The following ZNF423 variants were observed in gnomAD, a reference collection of about 807,000 sequenced individuals.
ZNF423 encodes Ebf-associated zinc finger protein.
ZNF423 carries 12 observed loss-of-function variants against 95.8 expected under a neutral mutation model. The ratio of observed to expected loss-of-function variants is 0.13; its 90% CI spans 0.08 to 0.20. ZNF423 has a LOEUF of 0.20. ZNF423 is among the 10% of genes least tolerant of loss of function. The probability of loss-of-function intolerance (pLI) is 1.00; values close to 1 mark genes in which losing one functional copy is unlikely to be tolerated. For synonymous variants in ZNF423, 749 were observed against 711.9 expected (o/e 1.05, Z -0.83); for missense variants, 1,316 against 1,737.1 (o/e 0.76, Z 4.31).
chr16:49,493,406 C>T (rs1040180078), intron 7 of ZNF423, among the ~76,000 whole-genome samples: 45 of 152,208 alleles, frequency 3.0e-4, no homozygotes, highest in Admixed American at 2.9e-3. Flanking sequence ...GGTGGCGGCA[C>T]CTCCTTTCTC....
intron 3 of ZNF423, among the ~76,000 whole-genome samples, chr16:49,680,886 G>A (rs1398077592): frequency 2.6e-5 from 4 of 152,194 alleles, no homozygotes; most frequent in African/African-American, 7.2e-5. Context: ...GGCACTGCTG[G>A]CCACAGAGGT....
intron 5 of ZNF423, among the ~76,000 whole-genome samples, chr16:49,605,801 A>G (rs1021118196): frequency 4.6e-5 from 7 of 152,184 alleles, no homozygotes; most frequent in Non-Finnish European, 1.0e-4. Flanking sequence ...GACAAGTGTC[A>G]GTTGCAGCTT....
intron 5 of ZNF423, among the ~76,000 whole-genome samples, chr16:49,579,704 G>C (rs1212753112): frequency 3.3e-5 from 5 of 152,110 alleles, no homozygotes; most frequent in African/African-American, 4.8e-5. Flanking sequence ...GCCAGCCCCT[G>C]CTCCATCCTT....
At position 49,720,475 on chromosome 16, in the gene ZNF423, C is replaced by T. The variant is rs557081791; in HGVS notation, c.301+10296G>A. On this transcript the variant is annotated intron_variant, in intron 3 of 7. Coordinates refer to ENST00000563137, the MANE Select transcript of ZNF423 (RefSeq NM_001379286.1). The stretch of plus-strand genomic sequence containing the variant: ...CCTCAGAGAGTGCTGGCTAAGCTAC[C>T]ACCTCCCTGTGTGACCTGGGACAAG... Among the ~76,000 whole-genome samples, 12 of 152,318 alleles carry T rather than the reference C, an allele frequency of 7.9e-5. No individual in the cohort carries two copies. In the South Asian group the frequency reaches 2.5e-3, roughly 32 times the overall value.
intron 5 of ZNF423, among the ~76,000 whole-genome samples, chr16:49,621,649 A>T (rs2151858704): frequency 6.6e-6 from 1 of 152,224 alleles, no homozygotes; most frequent in African/African-American, 2.4e-5. Flanking sequence ...GGTGCCACTA[A>T]GGGGGACTTT....
intron 1 of ZNF423, among the ~76,000 whole-genome samples, chr16:49,812,593 T>C (rs1370656190): frequency 6.6e-6 from 1 of 152,130 alleles, no homozygotes; most frequent in African/African-American, 2.4e-5. Flanking sequence ...GGTGGGAGGA[T>C]CTCCTGAGCC....
intron 2 of ZNF423, among the ~76,000 whole-genome samples, chr16:49,767,841 C>T (rs764987771): frequency 6.6e-6 from 1 of 152,146 alleles, no homozygotes; most frequent in East Asian, 1.9e-4. Flanking sequence ...GACACTTGGG[C>T]CTTTGTATTT....
At chr16:49,757,420 C>T (rs1184219535) in intron 2 of ZNF423, among the ~76,000 whole-genome samples, 1 of 152,236 alleles carries the variant, frequency 6.6e-6, no homozygotes, top group Non-Finnish European at 1.5e-5. Flanking sequence ...GGCCAGCCCC[C>T]TGCTCCTACC....
intron 3 of ZNF423, among the ~76,000 whole-genome samples, chr16:49,675,641 C>G (rs1198226144): frequency 2.0e-5 from 3 of 152,132 alleles, no homozygotes; most frequent in Non-Finnish European, 2.9e-5. Flanking sequence ...TAAAACACAC[C>G]CAAGTGCTCA....
At chr16:49,853,492 G>A (rs1006435682) in intron 1 of ZNF423, among the ~76,000 whole-genome samples, 1 of 152,124 alleles carries the variant, frequency 6.6e-6, no homozygotes. Flanking sequence ...AATGCAAAAA[G>A]CCATGGGAAG....
intron 4 of ZNF423, 69 bp from the exon 5 acceptor site, chr16:49,626,323 C>T: frequency 6.7e-7 from 1 of 1,484,432 alleles, no homozygotes; most frequent in African/African-American, 1.4e-5. Context: ...GCAAAAGTTC[C>T]TAGGGGGCCT....
intron 3 of ZNF423, among the ~76,000 whole-genome samples, chr16:49,644,658 C>CAAAA (rs56066766): frequency 4.0e-4 from 16 of 39,580 alleles, no homozygotes; most frequent in South Asian, 1.8e-3. Context: ...AACTCTGACT[C>CAAAA]AAAAAAAAAA....
At chr16:49,646,568 C>CTTTTTTTT (rs1194511671) in intron 3 of ZNF423, among the ~76,000 whole-genome samples, 1 of 120,720 alleles carries the variant, frequency 8.3e-6, no homozygotes, top group Non-Finnish European at 1.8e-5. Flanking sequence ...ATTTTCTTTT[C>CTTTTTTTT]TTTTTCTTTT....
chr16:49,730,548 G>A lies in ZNF423; in HGVS notation c.301+223C>T. The A allele has an allele frequency of 1.0e-5, 6 of 590,824 alleles. No individual in the cohort carries two copies. In the South Asian group the frequency reaches 1.0e-4, roughly 10 times the overall value. 36.6% of individuals were successfully genotyped at this position (590,824 alleles called of 1,614,324 possible). Reference sequence around the variant, plus strand: ...ACAGCTTGCGGGGAGAGGGGGCCGGGACAGAGCACCACCATCTAATTCCTG... The same window carrying A: ...ACAGCTTGCGGGGAGAGGGGGCCGGAACAGAGCACCACCATCTAATTCCTG... On this transcript the variant is annotated intron_variant, in intron 3 of 7. Transcript: ENST00000563137.
intron 5 of ZNF423, among the ~76,000 whole-genome samples, chr16:49,568,608 G>A (rs536862504): frequency 1.3e-5 from 2 of 152,102 alleles, no homozygotes; most frequent in South Asian, 2.1e-4. Context: ...TCCTGCCTCC[G>A]CCTGCTCTCC....
chr16:49,820,074 ATGGATGGATGGG>A (rs1012278235), intron 1 of ZNF423, among the ~76,000 whole-genome samples: 2 of 149,650 alleles, frequency 1.3e-5, no homozygotes, highest in African/African-American at 5.1e-5. Context: ...GGATGGATGC[ATGGATGGATGGG>A]TGGATGGATG....
At chr16:49,711,274 T>C (rs547789187) in intron 3 of ZNF423, 1 of 152,290 alleles carries the variant, frequency 6.6e-6, no homozygotes, top group South Asian at 2.1e-4. Flanking sequence ...ATGTTTACTA[T>C]AGTGAACAAC....
At chr16:49,761,652 A>G (rs2033835369) in intron 2 of ZNF423, among the ~76,000 whole-genome samples, 2 of 152,218 alleles carry the variant, frequency 1.3e-5, no homozygotes. Context: ...GCACCCAGAT[A>G]GGCACAGAGT....
intron 3 of ZNF423, among the ~76,000 whole-genome samples, chr16:49,728,483 G>A (rs777847294): frequency 3.3e-5 from 5 of 152,104 alleles, no homozygotes; most frequent in Non-Finnish European, 5.9e-5. Context: ...GTTAGGAAGC[G>A]GGCAGGAGTG....
Sources: gnomAD v4.1 joint callset for allele counts (sites outside exome capture counted in the v4.1 genomes callset) on GRCh38, gnomAD v4.1.1 for gene constraint, MANE v1.5 for transcripts, NCBI Gene and HGNC (gene_info 2026-07-23, HGNC 2026-07-21) for gene names.